DGKB: variants seen among roughly 807,000 people sequenced by gnomAD.
The protein encoded by DGKB is diacylglycerol kinase beta.
In DGKB, 67 loss-of-function variants were observed where a neutral mutation model predicts 114.3. The observed-to-expected ratio is 0.59, with a 90% CI of 0.48 to 0.72. The LOEUF is 0.72. DGKB is among the 30% of genes least tolerant of loss of function. The pLI, the probability that DGKB is intolerant of heterozygous loss-of-function variation, is 0.00. For missense variants in DGKB, 907 were observed against 975.2 expected (o/e 0.93, Z 0.93); for synonymous variants, 398 against 323.1 (o/e 1.23, Z -2.49).
chr7:14,956,727 G>A (rs561963862), intron 1 of DGKB, among the ~76,000 whole-genome samples: 2 of 151,878 alleles, frequency 1.3e-5, no homozygotes, highest in Non-Finnish European at 2.9e-5. Context: ...AGGCACTTGA[G>A]GAGAAGAAGA....
At chr7:14,722,210 T>G (rs529241387) in intron 5 of DGKB, among the ~76,000 whole-genome samples, 2 of 152,298 alleles carry the variant, frequency 1.3e-5, no homozygotes, top group African/African-American at 4.8e-5. Flanking sequence ...ACCATTATAG[T>G]GTCTTTCAGA....
Position 14,535,375 on chromosome 7 carries a change from A to C in DGKB, c.1770+38837T>G, listed in dbSNP as rs1792273914. ...CAGAGTAAGGCCCTGTCTCTTAAAA[A>C]AAGAAAAAAAAAAAAAAAAGAAAGA... On this transcript the variant is annotated intron_variant, in intron 20 of 25. Transcript: ENST00000402815. Among the ~76,000 whole-genome samples, 4 of 105,276 alleles carry C rather than the reference A, an allele frequency of 3.8e-5. No homozygotes were observed. In the South Asian group the frequency reaches 9.8e-4, roughly 26 times the overall value. The allele number at this position is 105,276 out of a possible 152,430, so 69.1% of individuals were successfully genotyped here. A position where few individuals can be genotyped will look rare whatever the true frequency, so the allele number is the denominator to read the frequency against.
intron 1 of DGKB, among the ~76,000 whole-genome samples, chr7:14,918,088 G>A (rs1247093955): frequency 6.6e-6 from 1 of 152,044 alleles, no homozygotes; most frequent in Non-Finnish European, 1.5e-5. Context: ...TTGCTAACAG[G>A]AGAGAAATTC....
At chr7:14,259,095 ATC>A (rs553413836) in intron 23 of DGKB, among the ~76,000 whole-genome samples, 2 of 152,266 alleles carry the variant, frequency 1.3e-5, no homozygotes, top group South Asian at 4.1e-4. Context: ...TTGAACACTC[ATC>A]TCTGTCTCTC....
At chr7:14,747,800 C>CACACAG (rs1376215272) in intron 4 of DGKB, among the ~76,000 whole-genome samples, 1 of 152,008 alleles carries the variant, frequency 6.6e-6, no homozygotes, top group African/African-American at 2.4e-5. Context: ...CACACACACA[C>CACACAG]AAATGTTCAA....
At chr7:14,261,309 G>A (rs1336566816) in intron 23 of DGKB, among the ~76,000 whole-genome samples, 1 of 151,470 alleles carries the variant, frequency 6.6e-6, no homozygotes, top group Non-Finnish European at 1.5e-5. Flanking sequence ...AGTGTTTTAG[G>A]CTGAATTTGT....
chr7:14,171,872 G>A (rs1016300363), intron 25 of DGKB, among the ~76,000 whole-genome samples: 11 of 152,174 alleles, frequency 7.2e-5, no homozygotes, highest in African/African-American at 1.4e-4. Flanking sequence ...ACAGTGCTAC[G>A]CTCTGGGGCT....
intron 23 of DGKB, among the ~76,000 whole-genome samples, chr7:14,224,187 T>C (rs548424287): frequency 3.9e-4 from 59 of 151,960 alleles, no homozygotes; most frequent in South Asian, 1.2e-3. Context: ...TTTCTCTGAG[T>C]AGCATTTTTC....
At chr7:14,385,144 A>G (rs1820114184) in intron 21 of DGKB, among the ~76,000 whole-genome samples, 1 of 152,162 alleles carries the variant, frequency 6.6e-6, no homozygotes, top group Non-Finnish European at 1.5e-5. Flanking sequence ...TTTTCCATTA[A>G]TCACCTCAAA....
chr7:14,570,774 A>G (rs939756851), intron 20 of DGKB, among the ~76,000 whole-genome samples: 1 of 152,072 alleles, frequency 6.6e-6, no homozygotes, highest in Non-Finnish European at 1.5e-5. Flanking sequence ...CAGAGGCAAA[A>G]TAGGTGGAGA....
intron 2 of DGKB, among the ~76,000 whole-genome samples, chr7:14,762,025 G>C (rs1835775084): frequency 6.6e-6 from 1 of 152,108 alleles, no homozygotes; most frequent in South Asian, 2.1e-4. Context: ...AGGATACTTG[G>C]AAAACAACAG....
chr7:14,945,816 A>T (rs1785841268), intron 1 of DGKB, among the ~76,000 whole-genome samples: 1 of 151,714 alleles, frequency 6.6e-6, no homozygotes, highest in East Asian at 1.9e-4. Flanking sequence ...AGAATTAGTA[A>T]AATTCCTATT....
At chr7:14,359,698 C>A (rs1815315339) in intron 21 of DGKB, among the ~76,000 whole-genome samples, 1 of 152,180 alleles carries the variant, frequency 6.6e-6, no homozygotes, top group East Asian at 1.9e-4. Context: ...ATTTATACAG[C>A]CAACAGACAC....
intron 12 of DGKB, among the ~76,000 whole-genome samples, chr7:14,681,437 G>T (rs997322160): frequency 6.6e-6 from 1 of 151,872 alleles, no homozygotes; most frequent in African/African-American, 2.4e-5. Context: ...GTGTGTGAGT[G>T]TGTGTGTATG....
chr7:14,523,840 T>C (rs1790187149), intron 20 of DGKB, among the ~76,000 whole-genome samples: 1 of 152,164 alleles, frequency 6.6e-6, no homozygotes, highest in African/African-American at 2.4e-5. Context: ...TATTACTTAA[T>C]AGCTATGTGA....
At chr7:14,930,441 A>G (rs958099972) in intron 1 of DGKB, among the ~76,000 whole-genome samples, 1 of 152,052 alleles carries the variant, frequency 6.6e-6, no homozygotes, top group Non-Finnish European at 1.5e-5. Context: ...TTGTTTGAAT[A>G]TATTCCTAAG....
chr7:14,258,218 T>C (rs1796231475), intron 23 of DGKB, among the ~76,000 whole-genome samples: 1 of 152,232 alleles, frequency 6.6e-6, no homozygotes, highest in South Asian at 2.1e-4. Flanking sequence ...TGTGATACCA[T>C]GTATTCAAGT....
chr7:14,290,181 A>C (rs769280806), intron 23 of DGKB, among the ~76,000 whole-genome samples: 2 of 152,190 alleles, frequency 1.3e-5, no homozygotes, highest in Non-Finnish European at 2.9e-5. Context: ...GCCTCATTCC[A>C]AGCAACTTCA....
In DGKB at chr7:14,435,782, A is replaced by G. The variant is rs149103722; in HGVS notation, c.1835+42379T>C. Among the ~76,000 whole-genome samples, 622 of 152,172 alleles carry G rather than the reference A, an allele frequency of 4.1e-3. 6 individuals carry two copies. The highest frequency in any genetic ancestry group is 0.015 in the African/African-American group (604 of 41,552). On this transcript the variant is annotated intron_variant, in intron 21 of 25. Coordinates refer to ENST00000402815, the MANE Select transcript of DGKB (RefSeq NM_001350709.2). ...TTGAAACTTTGTTTTTGAAAATTAT[A>G]TTTAAATTTCTATTATAAATTATGT...
Sources: allele counts gnomAD v4.1 joint callset (sites outside exome capture counted in the v4.1 genomes callset), GRCh38; gene constraint gnomAD v4.1.1; transcripts MANE v1.5; gene names NCBI Gene and HGNC (gene_info 2026-07-23, HGNC 2026-07-21).